The following PSORS1C1 variants were observed in gnomAD, a reference collection of about 807,000 sequenced individuals.
The protein encoded by PSORS1C1 is psoriasis susceptibility 1 candidate 1, also known as psoriasis susceptibility 1 candidate gene 1 protein.
Under a neutral mutation model 9.4 loss-of-function variants are expected in PSORS1C1, and 7 were observed. That is an observed-to-expected ratio of 0.75 (90% CI 0.42 to 1.40). The LOEUF is 1.40. PSORS1C1 is among the 40% of genes most tolerant of loss of function. PSORS1C1 has a pLI of 0.01. For synonymous variants in PSORS1C1, 63 were observed against 69.4 expected, an observed-to-expected ratio of 0.91 and a Z score of 0.46; for missense variants, 146 against 178.1, an observed-to-expected ratio of 0.82 and a Z score of 1.02.
chr6:31,120,462 C>T, intron 1 of PSORS1C1: 1 of 1,494,590 alleles, frequency 6.7e-7, no homozygotes, highest in Non-Finnish European at 9.1e-7. Context: ...CTCAAGGACA[C>T]CCGGGTCCTT....
intron 3 of PSORS1C1, among the ~76,000 whole-genome samples, chr6:31,131,148 CTCTT>C (rs1220078779): frequency 6.6e-6 from 1 of 152,156 alleles, no homozygotes; most frequent in East Asian, 1.9e-4. Flanking sequence ...ACATGTCTCT[CTCTT>C]CTTCGGGTTA....
intron 3 of PSORS1C1, chr6:31,138,197 T>C: frequency 6.4e-7 from 1 of 1,572,096 alleles, no homozygotes; most frequent in Non-Finnish European, 8.6e-7. Context: ...GGGGTGCCCC[T>C]GGCCAAGGGT....
chr6:31,134,552 G>A (rs191976089), intron 3 of PSORS1C1, among the ~76,000 whole-genome samples: 70 of 152,234 alleles, frequency 4.6e-4, no homozygotes, highest in Middle Eastern at 3.4e-3. Context: ...TGATTCGCCC[G>A]CCTTGGCCTC....
At chr6:31,123,259 G>C (rs1009657160) in intron 1 of PSORS1C1, among the ~76,000 whole-genome samples, 6 of 152,124 alleles carry the variant, frequency 3.9e-5, no homozygotes, top group Non-Finnish European at 8.8e-5. Flanking sequence ...TTCCTCTACT[G>C]TCCTGCCCAC....
intron 2 of PSORS1C1, 129 bp downstream of exon 2, chr6:31,125,968 T>C (rs1209982073): frequency 6.6e-6 from 1 of 152,442 alleles, no homozygotes; most frequent in East Asian, 1.9e-4. Context: ...GGTGCCCTCC[T>C]CTCTGGTTTC....
intron 3 of PSORS1C1, chr6:31,138,172 G>A (rs143599129): frequency 4.0e-5 from 63 of 1,588,200 alleles, no homozygotes; most frequent in Admixed American, 1.5e-4. Flanking sequence ...GTAGGCGGAG[G>A]ATCTTCAAAG....
intron 1 of PSORS1C1, among the ~76,000 whole-genome samples, chr6:31,125,221 C>A (rs1215810549): frequency 1.3e-5 from 2 of 152,192 alleles, no homozygotes; most frequent in Non-Finnish European, 2.9e-5. Context: ...CAGAGCTGCT[C>A]TGGGGCTCCA....
In PSORS1C1 at chr6:31,128,245, C is replaced by CA. The variant is rs1416118061; in HGVS notation, c.-64-1321dup. Among the ~76,000 whole-genome samples the CA allele has an allele frequency of 6.6e-6, 1 of 152,010 alleles. No individual in the cohort carries two copies. Among genetic ancestry groups the CA allele is most frequent in the Non-Finnish European group, 1.5e-5 (1 of 67,996 alleles). ...TGGATGACATTAGTGAGGGAAAGAG[C>CA]AAAGGCTCTGGAGGAAAACACCTGA... On this transcript the variant is annotated intron_variant, in intron 2 of 5. Transcript: ENST00000259881. The surrounding 1 kb of genome is among the most constrained non-coding windows in gnomAD (Gnocchi z 4.3).
intron 3 of PSORS1C1, 165 bp from the exon 4 acceptor site, chr6:31,138,265 C>A (rs559519967): frequency 9.5e-6 from 15 of 1,578,162 alleles, no homozygotes; most frequent in Admixed American, 5.4e-5. Flanking sequence ...TCTCGGTCCT[C>A]TGCGGGTGGG....
rs903752631 is a variant in PSORS1C1 at position 31,133,805 on chromosome 6, C to T, written c.13+4160C>T. On this transcript the variant is annotated intron_variant, in intron 3 of 5. Coordinates refer to ENST00000259881, the MANE Select transcript of PSORS1C1 (RefSeq NM_014068.3). ...TATTCTTATATTCTCCCATGGCACC[C>T]GGCATTCGTGGACACATTGAGGAAG... 3.9e-5 allele frequency: 6 copies of T among 152,244 alleles called. No individual in the cohort carries two copies. In the East Asian group the frequency reaches 5.8e-4, roughly 15 times the overall value. The allele number at this position is 152,244 out of a possible 1,614,324, so 9.4% of individuals were successfully genotyped here.
In PSORS1C1 at chr6:31,138,755, A is replaced by G. The variant is rs763906106; in HGVS notation, c.143A>G (p.His48Arg). Residue 48 changes from histidine to arginine, a missense_variant, in exon 5 of 6, where the codon CAC becomes CGC. His to Arg is a conservative substitution (Grantham distance 29). Transcript: ENST00000259881. ...CACGTTAATCCTGACCGACTTTGCCACATGGAGCCAGCAAACCATTTCTGG... is the reference window on the plus strand; with the variant it reads ...CACGTTAATCCTGACCGACTTTGCCGCATGGAGCCAGCAAACCATTTCTGG... ...PPHVNPDRLC[H>R]MEPANHFWHA... 18 of 1,614,108 alleles carry G rather than the reference A, an allele frequency of 1.1e-5. No homozygotes were observed. The highest frequency in any genetic ancestry group is 1.4e-5 in the Non-Finnish European group (16 of 1,180,014).
intron 1 of PSORS1C1, among the ~76,000 whole-genome samples, chr6:31,121,083 T>C (rs961653958): frequency 6.7e-6 from 1 of 150,162 alleles, no homozygotes; most frequent in Non-Finnish European, 1.5e-5. Flanking sequence ...GGGAACTTTC[T>C]CCTTCTCAGA....
chr6:31,135,350 C>G (rs1773095948), intron 3 of PSORS1C1, among the ~76,000 whole-genome samples: 1 of 152,058 alleles, frequency 6.6e-6, no homozygotes, highest in African/African-American at 2.4e-5. Context: ...AATTCTCATG[C>G]CCTAGCTTCC....
At chr6:31,133,164 G>A (rs1451232488) in intron 3 of PSORS1C1, among the ~76,000 whole-genome samples, 1 of 152,076 alleles carries the variant, frequency 6.6e-6, no homozygotes, top group Non-Finnish European at 1.5e-5. Flanking sequence ...AATGGTAAAG[G>A]GGTTCAAGAA....
At chr6:31,136,932 C>T (rs1484057576) in intron 3 of PSORS1C1, among the ~76,000 whole-genome samples, 4 of 151,890 alleles carry the variant, frequency 2.6e-5, no homozygotes, top group Non-Finnish European at 4.4e-5. Context: ...GGGCAGATCA[C>T]GATGTCAGGA....
At chr6:31,121,057 C>A (rs567230255) in intron 1 of PSORS1C1, among the ~76,000 whole-genome samples, 1 of 150,516 alleles carries the variant, frequency 6.6e-6, no homozygotes, top group Non-Finnish European at 1.5e-5. Context: ...ATACCTATTA[C>A]GTGTTCCATC....
Position 31,115,737 on chromosome 6 carries a change from T to G in PSORS1C1, c.-229+846T>G. On this transcript the variant is annotated intron_variant, in intron 1 of 5. Transcript: ENST00000259881. The surrounding 1 kb of genome is among the most constrained non-coding windows in gnomAD (Gnocchi z 4.2). ...ACCATTTCCACACAGTAGAGGGAAT[T>G]GTAAGGGGTGGTGATCTGGCTGAGG... 1 of 496,840 alleles carries G rather than the reference T, an allele frequency of 2.0e-6. No individual in the cohort carries two copies. Among genetic ancestry groups the G allele is most frequent in the Non-Finnish European group, 3.6e-6 (1 of 279,994 alleles). 30.8% of individuals were successfully genotyped at this position (496,840 alleles called of 1,614,324 possible). A position where few individuals can be genotyped will look rare whatever the true frequency, so the allele number is the denominator to read the frequency against.
At chr6:31,124,258 G>T (rs1182159998) in intron 1 of PSORS1C1, among the ~76,000 whole-genome samples, 3 of 152,110 alleles carry the variant, frequency 2.0e-5, no homozygotes, top group Non-Finnish European at 4.4e-5. Context: ...GGAATCCGAG[G>T]CCAGCTGGGG....
At chr6:31,133,107 G>A (rs367827013) in intron 3 of PSORS1C1, among the ~76,000 whole-genome samples, 5 of 152,234 alleles carry the variant, frequency 3.3e-5, no homozygotes, top group South Asian at 2.1e-4. Context: ...AGGCATAGGC[G>A]GGGCTGTTGG....
Sources: gnomAD v4.1 joint callset for allele counts (sites outside exome capture counted in the v4.1 genomes callset) on GRCh38, gnomAD v4.1.1 for gene constraint, Gnocchi (gnomAD v3.1) non-coding constraint, MANE v1.5 for transcripts, NCBI Gene and HGNC (gene_info 2026-07-23, HGNC 2026-07-21) for gene names.